The following TMEM132B variants were observed in gnomAD, a reference collection of about 807,000 sequenced individuals.
The protein encoded by TMEM132B is transmembrane protein 132B.
TMEM132B carries 18 observed loss-of-function variants against 90.8 expected under a neutral mutation model. The observed-to-expected ratio is 0.20, with a 90% CI of 0.14 to 0.29. The LOEUF (loss-of-function observed/expected upper bound fraction) is 0.29. TMEM132B is among the 10% of genes least tolerant of loss of function. The pLI, the probability that TMEM132B is intolerant of heterozygous loss-of-function variation, is 1.00. For synonymous variants in TMEM132B, 504 were observed against 523.3 expected (o/e 0.96, Z 0.50); for missense variants, 1,096 against 1,326.8 (o/e 0.83, Z 2.70).
intron 5 of TMEM132B, among the ~76,000 whole-genome samples, chr12:125,599,390 G>T (rs2136915350): frequency 6.6e-6 from 1 of 152,254 alleles, no homozygotes; most frequent in South Asian, 2.1e-4. Flanking sequence ...TGTTAGCAGT[G>T]TGAGAATGGA....
chr12:125,407,231 T>C lies in TMEM132B; in HGVS notation c.960-8300T>C, dbSNP rs1207312976. Among the ~76,000 whole-genome samples, 1 of 152,192 alleles carries C rather than the reference T, an allele frequency of 6.6e-6. No homozygotes were observed. Among genetic ancestry groups the C allele is most frequent in the Non-Finnish European group, 1.5e-5 (1 of 68,030 alleles). ...AAAGACACTCTTATCAGGCAAGAAA[T>C]TCCAAAGGCTTAAAAGTTAGTTCTC... On this transcript the variant is annotated intron_variant, in intron 2 of 8. Coordinates refer to ENST00000682704, the MANE Select transcript of TMEM132B (RefSeq NM_001366854.1). The surrounding 1 kb of genome is among the most constrained non-coding windows in gnomAD (Gnocchi z 6.7).
At chr12:125,547,056 CG>C (rs1884109469) in intron 4 of TMEM132B, among the ~76,000 whole-genome samples, 1 of 152,260 alleles carries the variant, frequency 6.6e-6, no homozygotes, top group South Asian at 2.1e-4. Context: ...GAGAACAGGA[CG>C]GGGGAAACTG....
At chr12:125,644,003 A>C (rs1886694882) in intron 5 of TMEM132B, 73 bp from the exon 6 acceptor site, 1 of 1,372,502 alleles carries the variant, frequency 7.3e-7, no homozygotes, top group Non-Finnish European at 1.0e-6. Context: ...CAGTTCATGA[A>C]CTTTCACTGT....
chr12:125,226,796 G>A (rs571324122), intron 1 of TMEM132B, among the ~76,000 whole-genome samples: 6 of 152,132 alleles, frequency 3.9e-5, no homozygotes, highest in South Asian at 2.1e-4. Context: ...GTGCTATGCC[G>A]GCACTGGGGG....
At chr12:125,381,754 G>A (rs1281164491) in intron 2 of TMEM132B, among the ~76,000 whole-genome samples, 1 of 152,202 alleles carries the variant, frequency 6.6e-6, no homozygotes, top group Middle Eastern at 3.2e-3. Flanking sequence ...ATGTATGTGT[G>A]TTCACGTAAA....
At chr12:125,614,520 G>A (rs1175807397) in intron 5 of TMEM132B, among the ~76,000 whole-genome samples, 5 of 152,102 alleles carry the variant, frequency 3.3e-5, no homozygotes, top group African/African-American at 1.2e-4. Flanking sequence ...TACCACTGAT[G>A]GGCACCTGGG....
intron 2 of TMEM132B, among the ~76,000 whole-genome samples, chr12:125,378,580 G>A (rs1299947722): frequency 1.3e-5 from 2 of 152,166 alleles, no homozygotes; most frequent in Admixed American, 6.5e-5. Context: ...ATGGCAGCAG[G>A]GCAAGGGAAA....
chr12:125,476,222 A>G (rs1881878527), intron 3 of TMEM132B, among the ~76,000 whole-genome samples: 5 of 152,248 alleles, frequency 3.3e-5, no homozygotes, highest in Admixed American at 3.3e-4. Context: ...ATTCAGTGGC[A>G]TTTAGTACAT....
At chr12:125,550,134 G>T (rs1385790586) in intron 4 of TMEM132B, among the ~76,000 whole-genome samples, 1 of 152,188 alleles carries the variant, frequency 6.6e-6, no homozygotes, top group African/African-American at 2.4e-5. Flanking sequence ...CCCAGAGCCT[G>T]CAAGGGCCAT....
At chr12:125,523,716 G>A (rs1883370777) in intron 4 of TMEM132B, among the ~76,000 whole-genome samples, 1 of 152,210 alleles carries the variant, frequency 6.6e-6, no homozygotes, top group South Asian at 2.1e-4. Flanking sequence ...CTGTCATTGT[G>A]TTGTAGCCCC....
At chr12:125,596,482 T>C (rs1885442801) in intron 5 of TMEM132B, among the ~76,000 whole-genome samples, 2 of 152,230 alleles carry the variant, frequency 1.3e-5, no homozygotes, top group Admixed American at 6.5e-5. Flanking sequence ...ACATTCAACA[T>C]TTAACTTGAA....
intron 1 of TMEM132B, among the ~76,000 whole-genome samples, chr12:125,296,954 C>T (rs1875686404): frequency 6.6e-6 from 1 of 152,246 alleles, no homozygotes; most frequent in South Asian, 2.1e-4. Flanking sequence ...GTGGAAGATG[C>T]ATGCTTGTCC....
At chr12:125,558,659 C>G (rs78286119) in intron 4 of TMEM132B, among the ~76,000 whole-genome samples, 2,937 of 152,268 alleles carry the variant, frequency 0.019, 33 homozygotes, top group Non-Finnish European at 0.031. Flanking sequence ...CTTAGGAGAG[C>G]CAGCACTTTC....
At chr12:125,233,252 T>C (rs1258901417) in intron 1 of TMEM132B, among the ~76,000 whole-genome samples, 5 of 152,160 alleles carry the variant, frequency 3.3e-5, no homozygotes, top group Admixed American at 1.3e-4. Flanking sequence ...TTATACAGGA[T>C]AGAAGTTAAT....
chr12:125,310,412 C>A (rs146376453), intron 1 of TMEM132B, among the ~76,000 whole-genome samples: 1 of 152,210 alleles, frequency 6.6e-6, no homozygotes, highest in Non-Finnish European at 1.5e-5. Context: ...TGCCTGTCTC[C>A]TTAGATCCCC....
chr12:125,323,207 G>A (rs1374384354), intron 1 of TMEM132B, among the ~76,000 whole-genome samples: 1 of 152,088 alleles, frequency 6.6e-6, no homozygotes, highest in Non-Finnish European at 1.5e-5. Context: ...AGGCCAAGGC[G>A]GGCAAATCAC....
intron 4 of TMEM132B, among the ~76,000 whole-genome samples, chr12:125,536,341 A>C (rs1357359513): frequency 6.6e-6 from 1 of 152,208 alleles, no homozygotes; most frequent in Non-Finnish European, 1.5e-5. Flanking sequence ...CTTCAGTAGG[A>C]AGCAGCACTG....
At chr12:125,446,620 A>G (rs749890999) in intron 3 of TMEM132B, among the ~76,000 whole-genome samples, 1 of 152,252 alleles carries the variant, frequency 6.6e-6, no homozygotes, top group Non-Finnish European at 1.5e-5. Flanking sequence ...TGGGAAGACT[A>G]CAAGAGATGA....
At chr12:125,505,166 CAAAAAAAAAAAAAAAA>C (rs71306287) in intron 3 of TMEM132B, among the ~76,000 whole-genome samples, 1 of 28,592 alleles carries the variant, frequency 3.5e-5, no homozygotes, top group Non-Finnish European at 7.1e-5. Flanking sequence ...CACCAGAGGA[CAAAAAAAAAAAAAAAA>C]AAAAAAAAAA....
Sources: allele counts gnomAD v4.1 joint callset (sites outside exome capture counted in the v4.1 genomes callset), GRCh38; gene constraint gnomAD v4.1.1; non-coding constraint Gnocchi (gnomAD v3.1); transcripts MANE v1.5; gene names NCBI Gene and HGNC (gene_info 2026-07-23, HGNC 2026-07-21).